GNG7: variants seen among roughly 807,000 people sequenced by gnomAD.
GNG7 encodes G protein subunit gamma 7.
In GNG7, 1 loss-of-function variant was observed where a neutral mutation model predicts 4.0. That is an observed-to-expected ratio of 0.25 (90% CI 0.09 to 1.18). The LOEUF (loss-of-function observed/expected upper bound fraction) is 1.18. GNG7 is among the 50% of genes most tolerant of loss of function. The pLI, the probability that GNG7 is intolerant of heterozygous loss-of-function variation, is 0.50. For synonymous variants in GNG7, 34 were observed against 36.9 expected (o/e 0.92, Z 0.29); for missense variants, 86 against 91.9 (o/e 0.94, Z 0.26).
At chr19:2,668,220 C>CA (rs11386382) in intron 1 of GNG7, among the ~76,000 whole-genome samples, 51,364 of 139,988 alleles carry the variant, frequency 0.37, 8,926 homozygotes, top group East Asian at 0.5. Flanking sequence ...AAAAGTTTAT[C>CA]AAAAAAAAAA....
intron 1 of GNG7, among the ~76,000 whole-genome samples, chr19:2,650,632 A>T (rs1982787000): frequency 6.6e-6 from 1 of 152,096 alleles, no homozygotes. Context: ...CTTGGTCTGC[A>T]CTCGGCCTCA....
intron 2 of GNG7, among the ~76,000 whole-genome samples, chr19:2,582,286 G>T (rs1465866829): frequency 6.6e-6 from 1 of 152,134 alleles, no homozygotes; most frequent in Admixed American, 6.5e-5. Context: ...TGGATGAAAG[G>T]TGTAAGGGAA....
chr19:2,680,671 G>A (rs1265854458), intron 1 of GNG7, among the ~76,000 whole-genome samples: 2 of 151,008 alleles, frequency 1.3e-5, no homozygotes, highest in East Asian at 1.9e-4. Flanking sequence ...CGCCTCCTGG[G>A]TTCAAGAGAT....
intron 3 of GNG7, among the ~76,000 whole-genome samples, chr19:2,539,551 C>T (rs1467813234): frequency 7.2e-5 from 11 of 151,964 alleles, no homozygotes; most frequent in Admixed American, 4.6e-4. Context: ...GTGATCTGCC[C>T]GCCTCGGCCT....
chr19:2,661,262 A>G (rs1212573870), intron 1 of GNG7, among the ~76,000 whole-genome samples: 9 of 64,224 alleles, frequency 1.4e-4, no homozygotes, highest in Admixed American at 1.2e-3. Context: ...AGAAAGAAAG[A>G]AAGAAAGAAA....
At chr19:2,612,864 G>C (rs930670011) in intron 2 of GNG7, among the ~76,000 whole-genome samples, 30 of 151,788 alleles carry the variant, frequency 2.0e-4, no homozygotes, top group African/African-American at 6.3e-4. Flanking sequence ...GGCTAATTTT[G>C]TATTTTTAGT....
chr19:2,587,663 G>A (rs1006710794), intron 2 of GNG7, among the ~76,000 whole-genome samples: 2 of 152,072 alleles, frequency 1.3e-5, no homozygotes, highest in Non-Finnish European at 2.9e-5. Flanking sequence ...GCTGTAACTC[G>A]AGGCAGCATC....
chr19:2,645,692 C>A (rs1432391804), intron 2 of GNG7, among the ~76,000 whole-genome samples: 1 of 152,160 alleles, frequency 6.6e-6, no homozygotes, highest in Non-Finnish European at 1.5e-5. Context: ...CACCACGAGT[C>A]CCTTTCTGTC....
intron 2 of GNG7, among the ~76,000 whole-genome samples, chr19:2,558,480 C>A (rs965592191): frequency 2.6e-5 from 4 of 152,048 alleles, no homozygotes; most frequent in African/African-American, 9.7e-5. Flanking sequence ...GCGATCCTCC[C>A]ACCTTGGCCT....
chr19:2,624,978 G>A lies in GNG7; in HGVS notation c.-78+21246C>T, dbSNP rs184434585. 2.7e-3 allele frequency among the ~76,000 whole-genome samples: 416 copies of A among 152,338 alleles called. 1 individual carries two copies. The highest frequency in any genetic ancestry group is 4.1e-3 in the Non-Finnish European group (278 of 68,022). The stretch of plus-strand genomic sequence containing the variant: ...CACCTTTCCTTGTGGGTGCAGAGCC[G>A]GACCCCAGGCAGGGGTGGACGCCTG... On this transcript the variant is annotated intron_variant, in intron 2 of 4. Transcript: ENST00000382159.
intron 2 of GNG7, among the ~76,000 whole-genome samples, chr19:2,601,972 A>T (rs1981212513): frequency 6.6e-6 from 1 of 152,102 alleles, no homozygotes; most frequent in Admixed American, 6.6e-5. Flanking sequence ...GTGGAATCCC[A>T]GATGATCCTT....
Position 2,513,032 on chromosome 19 carries a change from C to T in GNG7, c.*1990G>A, listed in dbSNP as rs1011666645. 34 of 985,332 alleles carry T rather than the reference C, an allele frequency of 3.5e-5. No individual in the cohort carries two copies. The highest frequency in any genetic ancestry group is 1.4e-4 in the South Asian group (3 of 21,298). The allele number at this position is 985,332 out of a possible 1,614,324, so 61.0% of individuals were successfully genotyped here. On this transcript the variant is annotated 3_prime_UTR_variant, in exon 5 of 5. Transcript: ENST00000382159. Reference sequence around the variant, plus strand: ...GGGCTCCCCGAAGCCCCAGCCCTCCCGGACCTGCCGTAGAGAGCTGGGTGC... The same window carrying T: ...GGGCTCCCCGAAGCCCCAGCCCTCCTGGACCTGCCGTAGAGAGCTGGGTGC...
At chr19:2,686,790 C>T (rs1375717605) in intron 1 of GNG7, among the ~76,000 whole-genome samples, 4 of 149,658 alleles carry the variant, frequency 2.7e-5, no homozygotes, top group Non-Finnish European at 4.4e-5. Context: ...CTCGCTCTCT[C>T]GCCCAGGGTG....
chr19:2,590,689 TCATC>T (rs1174700367), intron 2 of GNG7, among the ~76,000 whole-genome samples: 1 of 89,852 alleles, frequency 1.1e-5, no homozygotes, highest in Non-Finnish European at 2.3e-5. Context: ...ACCCATCCAT[TCATC>T]CATCCATCCA....
chr19:2,689,212 G>A (rs10421284), intron 1 of GNG7, among the ~76,000 whole-genome samples: 34,142 of 150,358 alleles, frequency 0.23, 4,437 homozygotes, highest in East Asian at 0.58. Flanking sequence ...AAAAAAGGGG[G>A]AAAAAAATGC....
At chr19:2,682,436 G>T (rs534155093) in intron 1 of GNG7, among the ~76,000 whole-genome samples, 1 of 151,572 alleles carries the variant, frequency 6.6e-6, no homozygotes. Context: ...AGGCCAAGGC[G>T]GGCGGATCAC....
intron 3 of GNG7, among the ~76,000 whole-genome samples, chr19:2,521,914 G>A (rs1047389803): frequency 2.6e-5 from 4 of 152,010 alleles, no homozygotes; most frequent in Non-Finnish European, 2.9e-5. Context: ...CCTCTCCTCC[G>A]TGTCCTTCAT....
chr19:2,589,255 C>T (rs1980766281), intron 2 of GNG7, among the ~76,000 whole-genome samples: 1 of 151,640 alleles, frequency 6.6e-6, no homozygotes, highest in Non-Finnish European at 1.5e-5. Context: ...TGGAGTCTCC[C>T]TCCGTGGCCC....
chr19:2,637,011 T>C (rs2144849269), intron 2 of GNG7, among the ~76,000 whole-genome samples: 1 of 150,170 alleles, frequency 6.7e-6, no homozygotes, highest in African/African-American at 2.5e-5. Flanking sequence ...CACCTGCACC[T>C]CCAACTCCAC....
Sources: allele counts gnomAD v4.1 joint callset (sites outside exome capture counted in the v4.1 genomes callset), GRCh38; gene constraint gnomAD v4.1.1; transcripts MANE v1.5; gene names NCBI Gene and HGNC (gene_info 2026-07-23, HGNC 2026-07-21).